NCOA2: variants seen among roughly 807,000 people sequenced by gnomAD.
NCOA2 encodes class E basic helix-loop-helix protein 75.
Under a neutral mutation model 145.1 loss-of-function variants are expected in NCOA2, and 21 were observed. The observed-to-expected ratio is 0.14, with a 90% CI of 0.10 to 0.21. The LOEUF is 0.21. Among genes scored for constraint, NCOA2 ranks in the 10% least tolerant of loss-of-function variants. The probability of loss-of-function intolerance (pLI) is 1.00; values close to 1 mark genes in which losing one functional copy is unlikely to be tolerated. For synonymous variants in NCOA2, 619 were observed against 637.5 expected, an observed-to-expected ratio of 0.97 and a Z score of 0.44; for missense variants, 1,472 against 1,837.6, an observed-to-expected ratio of 0.80 and a Z score of 3.64.
chr8:70,134,874 C>T (rs1047591092), intron 15 of NCOA2, among the ~76,000 whole-genome samples: 18 of 152,106 alleles, frequency 1.2e-4, no homozygotes, highest in African/African-American at 3.9e-4. Flanking sequence ...CAAGTTGGGA[C>T]TCTCGGGACA....
At chr8:70,401,228 A>G (rs778233495) in intron 1 of NCOA2, among the ~76,000 whole-genome samples, 2 of 152,222 alleles carry the variant, frequency 1.3e-5, no homozygotes, top group African/African-American at 2.4e-5. Context: ...CTAAAAGTCA[A>G]GAGTTGAGAA....
At chr8:70,334,505 G>A (rs1807394677) in intron 1 of NCOA2, among the ~76,000 whole-genome samples, 1 of 152,106 alleles carries the variant, frequency 6.6e-6, no homozygotes, top group African/African-American at 2.4e-5. Context: ...TCTAGTCTAT[G>A]TACAACGTTC....
chr8:70,199,917 G>A (rs924863700), intron 4 of NCOA2, among the ~76,000 whole-genome samples: 1 of 152,114 alleles, frequency 6.6e-6, no homozygotes, highest in African/African-American at 2.4e-5. Flanking sequence ...GTATCCATGG[G>A]TTCTGCATTG....
chr8:70,379,326 C>G (rs1418087081), intron 1 of NCOA2, among the ~76,000 whole-genome samples: 1 of 152,200 alleles, frequency 6.6e-6, no homozygotes, highest in South Asian at 2.1e-4. Context: ...CGGGACAAAC[C>G]CTATGTTTTA....
chr8:70,121,314 T>C lies in NCOA2; in HGVS notation c.4371A>G (p.Gly1457=), dbSNP rs1807779694. 1 of 1,612,556 alleles carries C rather than the reference T, an allele frequency of 6.2e-7. No individual in the cohort carries two copies. Among genetic ancestry groups the C allele is most frequent in the Non-Finnish European group, 8.5e-7 (1 of 1,179,222 alleles). ...TGTTCTTTCTTACCCGTGTTGTGTC[T>C]CCCTCCTGCTTAATCATATCCATTC... is the stretch of plus-strand genomic sequence containing the variant. ...LPGMDMIKQE[G]DTTRKYC is the part of the protein sequence containing the mutation. Residue 1457 remains glycine, a synonymous_variant, in exon 22 of 23, where the codon GGA becomes GGG. Coordinates refer to ENST00000452400, the MANE Select transcript of NCOA2 (RefSeq NM_006540.4).
intron 1 of NCOA2, among the ~76,000 whole-genome samples, chr8:70,335,367 TTTTGTCTA>T (rs1291150199): frequency 6.6e-6 from 1 of 152,062 alleles, no homozygotes; most frequent in African/African-American, 2.4e-5. Flanking sequence ...CTTTTTGTCT[TTTTGTCTA>T]CTGAAGCAAC....
At chr8:70,252,704 C>CT (rs1302787080) in intron 2 of NCOA2, among the ~76,000 whole-genome samples, 1 of 152,052 alleles carries the variant, frequency 6.6e-6, no homozygotes, top group Non-Finnish European at 1.5e-5. Context: ...GTTTTTATGT[C>CT]TTTTTTTGGA....
chr8:70,307,980 A>G (rs796686409), intron 1 of NCOA2, among the ~76,000 whole-genome samples: 3 of 152,312 alleles, frequency 2.0e-5, no homozygotes, highest in African/African-American at 7.2e-5. Flanking sequence ...CCAAGTTAAC[A>G]TTCCCAATTA....
intron 2 of NCOA2, among the ~76,000 whole-genome samples, chr8:70,238,962 T>C (rs2926715): frequency 0.72 from 109,130 of 152,016 alleles, 41,335 homozygotes; most frequent in Non-Finnish European, 0.84. Context: ...AGAGAAACAA[T>C]AGATTTTTGT....
At chr8:70,358,848 C>T (rs905517809) in intron 1 of NCOA2, among the ~76,000 whole-genome samples, 2 of 152,174 alleles carry the variant, frequency 1.3e-5, no homozygotes, top group Middle Eastern at 3.4e-3. Flanking sequence ...TGATAAGGGT[C>T]TAGTATCTAA....
chr8:70,381,921 A>C (rs1272319141), intron 1 of NCOA2, among the ~76,000 whole-genome samples: 1 of 152,162 alleles, frequency 6.6e-6, no homozygotes, highest in Non-Finnish European at 1.5e-5. Flanking sequence ...CCTGTGAGTC[A>C]GGTATTATTA....
rs57813061 is a variant in NCOA2, at chr8:70,133,200, CTTTTTT to C, written c.3159-1204_3159-1199del. Among the ~76,000 whole-genome samples, 14 of 106,970 alleles carry C rather than the reference CTTTTTT, an allele frequency of 1.3e-4. No individual in the cohort carries two copies. The East Asian group carries it at 3.2e-3, about 25-fold the overall frequency. 70.2% of individuals were successfully genotyped at this position (106,970 alleles called of 152,430 possible). ...TGTGTGCCACCACAACTGGCTGCTA[CTTTTTT>C]TTTTTTTTTTTTTTGGTAAAGACAG... On this transcript the variant is annotated intron_variant, in intron 15 of 22. Transcript: ENST00000452400.
At chr8:70,163,406 C>T in intron 8 of NCOA2, 59 bp downstream of exon 8, 1 of 1,276,746 alleles carries the variant, frequency 7.8e-7, no homozygotes, top group South Asian at 1.3e-5. Flanking sequence ...TCCTTGCATT[C>T]CCAAATATGT....
At chr8:70,305,910 C>T (rs987289237) in intron 1 of NCOA2, among the ~76,000 whole-genome samples, 5 of 152,176 alleles carry the variant, frequency 3.3e-5, no homozygotes, top group African/African-American at 1.2e-4. Context: ...GTAGTTAGTA[C>T]CTAGCCACAT....
chr8:70,192,601 A>G (rs1816810806), intron 4 of NCOA2, among the ~76,000 whole-genome samples: 1 of 152,236 alleles, frequency 6.6e-6, no homozygotes, highest in Non-Finnish European at 1.5e-5. Flanking sequence ...CCAGGGCAGA[A>G]AGGAAGGAAG....
At chr8:70,185,992 C>T (rs770273034) in intron 4 of NCOA2, among the ~76,000 whole-genome samples, 1 of 151,380 alleles carries the variant, frequency 6.6e-6, no homozygotes, top group Non-Finnish European at 1.5e-5. Context: ...TTTTTTTAAC[C>T]TATTAGAAAC....
chr8:70,454,685 A>G, the NCOA2 span, among the ~76,000 whole-genome samples: 1 of 152,178 alleles, frequency 6.6e-6, no homozygotes, highest in Non-Finnish European at 1.5e-5. Context: ...GCCAATAACA[A>G]ACACAAATTC....
At chr8:70,432,700 A>T in the NCOA2 span, among the ~76,000 whole-genome samples, 1 of 152,052 alleles carries the variant, frequency 6.6e-6, no homozygotes, top group Non-Finnish European at 1.5e-5. Context: ...AATAAAGTAA[A>T]ATCCTAGGGT....
chr8:70,214,567 G>C (rs191381539), intron 3 of NCOA2, among the ~76,000 whole-genome samples: 225 of 152,002 alleles, frequency 1.5e-3, no homozygotes, highest in African/African-American at 5.2e-3. Context: ...GACTTCTTCA[G>C]AATGTTAGTA....
Sources: allele counts gnomAD v4.1 joint callset (sites outside exome capture counted in the v4.1 genomes callset), GRCh38; gene constraint gnomAD v4.1.1; transcripts MANE v1.5; gene names NCBI Gene and HGNC (gene_info 2026-07-23, HGNC 2026-07-21).